The following FAT1 variants were observed in gnomAD, a reference collection of about 807,000 sequenced individuals.
The protein encoded by FAT1 is FAT atypical cadherin 1.
A neutral mutation model predicts 329.8 loss-of-function variants in FAT1; 171 were observed. The observed-to-expected ratio is 0.52, with a 90% CI of 0.46 to 0.59. The LOEUF is 0.59. Ranked by LOEUF, FAT1 falls within the 20% of genes least tolerant of loss-of-function variation. The probability of loss-of-function intolerance (pLI) is 0.00; values close to 1 mark genes in which losing one functional copy is unlikely to be tolerated. For synonymous variants in FAT1, 2,233 were observed against 2,228.6 expected (o/e 1.00, Z -0.06); for missense variants, 5,672 against 5,774.4 (o/e 0.98, Z 0.57).
In FAT1 at chr4:186,620,147, T is replaced by C. The variant is rs752916254; in HGVS notation, c.6439A>G (p.Asn2147Asp). Residue 2147 changes from asparagine to aspartate, a missense_variant, in exon 10 of 27, where the codon AAT (asparagine) becomes GAT (aspartate). Physicochemically the swap from Asn to Asp is conservative, Grantham distance 23. Around this residue, in one of 2 missense-constraint regions of FAT1, gnomAD observed 3,966 missense variants for 3,915.2 expected, o/e 1.01. Transcript: ENST00000441802. The stretch of plus-strand genomic sequence containing the variant: ...ACCACTGTAACAAGATATTCTTTAT[T>C]TAAGGTGTCAAGCTCAAATTGCTTT... The part of the protein sequence containing the change: ...LKKQFELDTL[N>D]KEYLVTVVAK... 1.9e-6 allele frequency: 3 copies of C among 1,614,026 alleles called. No homozygotes were observed. Among genetic ancestry groups the C allele is most frequent in the East Asian group, 2.2e-5 (1 of 44,880 alleles).
At chr4:186,658,424 T>C (rs1180281022) in intron 3 of FAT1, among the ~76,000 whole-genome samples, 1 of 152,180 alleles carries the variant, frequency 6.6e-6, no homozygotes, top group Non-Finnish European at 1.5e-5. Context: ...TTGTTGTGAC[T>C]TTTAAAATAT....
Position 186,603,660 on chromosome 4 carries a change from C to T in FAT1, c.10866G>A (p.Thr3622=), listed in dbSNP as rs756718247. The T allele has an allele frequency of 3.7e-5, 60 of 1,613,900 alleles. No homozygotes were observed. Among genetic ancestry groups the T allele is most frequent in the South Asian group, 1.1e-4 (10 of 91,090 alleles). ...LNVSVTDGKF[T]TVADITVHIR... ...TATGCACTGTGATGTCGGCCACCGT[C>T]GTGAACTTCCCATCTGTTACGCTGA... Residue 3622 remains threonine, a synonymous_variant, in exon 19 of 27, where the codon ACG becomes ACA. Transcript: ENST00000441802.
intron 6 of FAT1, among the ~76,000 whole-genome samples, chr4:186,635,607 T>C (rs1740784953): frequency 6.6e-6 from 1 of 152,220 alleles, no homozygotes; most frequent in Non-Finnish European, 1.5e-5. Flanking sequence ...CACACAGGCA[T>C]AGTTACTTTA....
chr4:186,645,405 A>C lies in FAT1; in HGVS notation c.3581-5622T>G, dbSNP rs56280399. ...TATATATATATATATATATATATAT[A>C]TATATATATATATATATGCCTGTAA... On this transcript the variant is annotated intron_variant, in intron 3 of 26. Coordinates refer to ENST00000441802, the MANE Select transcript of FAT1 (RefSeq NM_005245.4). 6.1e-3 allele frequency among the ~76,000 whole-genome samples: 633 copies of C among 103,002 alleles called. 26 individuals are homozygous for C. The highest frequency in any genetic ancestry group is 0.023 in the African/African-American group (605 of 26,586). 67.6% of individuals were successfully genotyped at this position (103,002 alleles called of 152,430 possible). A position where few individuals can be genotyped will look rare whatever the true frequency, so the allele number is the denominator to read the frequency against.
intron 2 of FAT1, among the ~76,000 whole-genome samples, chr4:186,686,243 C>CT (rs1009711429): frequency 1.1e-4 from 16 of 147,834 alleles, no homozygotes; most frequent in African/African-American, 3.4e-4. Flanking sequence ...TTTTCACCCC[C>CT]CCCCGACATT....
chr4:186,588,450 G>A lies in FAT1; in HGVS notation c.*142C>T, dbSNP rs73873643. 2.5e-3 allele frequency: 2,449 copies of A among 972,418 alleles called. 41 individuals carry two copies. The African/African-American group carries it at 0.035, about 14-fold the overall frequency. The allele number at this position is 972,418 out of a possible 1,614,324, so 60.2% of individuals were successfully genotyped here. ...TTGGGACACTGGAAATGGCTAGCAC[G>A]TCCAGAGGCGCAGGATCCAGCGCAG... On this transcript the variant is annotated 3_prime_UTR_variant, in exon 27 of 27. Transcript: ENST00000441802.
intron 2 of FAT1, among the ~76,000 whole-genome samples, chr4:186,674,908 C>T (rs1310183914): frequency 6.6e-6 from 1 of 152,180 alleles, no homozygotes; most frequent in African/African-American, 2.4e-5. Context: ...GTGGCAGGCA[C>T]CTGTAGTCCC....
rs1442512111 is a variant in FAT1, at chr4:186,619,109, G to A, written c.7477C>T (p.Leu2493Phe). 6.2e-7 allele frequency: 1 copy of A among 1,613,984 alleles called. No homozygotes were observed. Among genetic ancestry groups the A allele is most frequent in the East Asian group, 2.2e-5 (1 of 44,870 alleles). The change falls in exon 10 of 27, where the codon CTT (leucine) becomes TTT (phenylalanine). Residue 2493 changes from leucine (L) to phenylalanine (F), a missense_variant. Around this residue, in one of 2 missense-constraint regions of FAT1, gnomAD observed 3,966 missense variants for 3,915.2 expected, o/e 1.01. Coordinates refer to ENST00000441802, the MANE Select transcript of FAT1 (RefSeq NM_005245.4). ...AGTTCCACTTCATATTCGTTCTGAA[G>A]GAAAGCAGGACTGTGCAAATTGCCT... ...IGGNLHSPAF[L>F]QNEYEVELAE...
chr4:186,688,359 G>A (rs796226285), intron 2 of FAT1, among the ~76,000 whole-genome samples: 51 of 152,250 alleles, frequency 3.3e-4, no homozygotes, highest in African/African-American at 4.3e-4. Context: ...GCCTGTAGAA[G>A]TTAATAGGTC....
upstream of FAT1, among the ~76,000 whole-genome samples, chr4:186,724,346 C>T (rs1369731009): frequency 6.6e-6 from 1 of 152,066 alleles, no homozygotes; most frequent in Non-Finnish European, 1.5e-5. The surrounding 1 kb of genome is among the most constrained non-coding windows in gnomAD (Gnocchi z 5.3). Context: ...CTTCAGGTCT[C>T]CAAAGGAATG....
rs2126409505 is a variant in FAT1, at chr4:186,599,932, C to T, written c.12069G>A (p.Gln4023=). ...ATEDCASNPC[Q]NGGVCNPSPA... ...GTGACGGATTGCAAACGCCTCCATT[C>T]TGGCAAGGGTTGCTGGCGCAGTCTT... Residue 4023 remains glutamine (Q), a synonymous_variant, in exon 22 of 27, where the codon CAG becomes CAA. Coordinates refer to ENST00000441802, the MANE Select transcript of FAT1 (RefSeq NM_005245.4). 1 of 1,613,372 alleles carries T rather than the reference C, an allele frequency of 6.2e-7. No homozygotes were observed. The highest frequency in any genetic ancestry group is 8.5e-7 in the Non-Finnish European group (1 of 1,179,478).
At chr4:186,710,888 C>T (rs886105752) in intron 1 of FAT1, among the ~76,000 whole-genome samples, 3 of 152,192 alleles carry the variant, frequency 2.0e-5, no homozygotes, top group African/African-American at 4.8e-5. Flanking sequence ...ATGAAGAAAA[C>T]GTTGCCTTTA....
In FAT1 at chr4:186,619,869, T is replaced by C. The variant is rs1560941442; in HGVS notation, c.6717A>G (p.Ile2239Met). Residue 2239 changes from isoleucine to methionine, a missense_variant, in exon 10 of 27, where the codon ATA (isoleucine) becomes ATG (methionine). Around this residue, in one of 2 missense-constraint regions of FAT1, gnomAD observed 3,966 missense variants for 3,915.2 expected, o/e 1.01. Transcript: ENST00000441802. ...INFNTGVINV[I>M]APLDFEAHPA... ...GGTGGGCCTCAAAGTCCAGAGGAGCTATGACATTGATAACTCCAGTATTGA... is the reference window on the plus strand; with the variant it reads ...GGTGGGCCTCAAAGTCCAGAGGAGCCATGACATTGATAACTCCAGTATTGA... The C allele has an allele frequency of 6.2e-7, 1 of 1,613,984 alleles. No homozygotes were observed. The highest frequency in any genetic ancestry group is 8.5e-7 in the Non-Finnish European group (1 of 1,179,904).
intron 7 of FAT1, among the ~76,000 whole-genome samples, chr4:186,630,956 A>G (rs1424004610): frequency 1.3e-5 from 2 of 152,192 alleles, no homozygotes; most frequent in East Asian, 1.9e-4. Context: ...AGTGACTGGA[A>G]TCAATGGCGG....
intron 2 of FAT1, among the ~76,000 whole-genome samples, chr4:186,682,402 C>T (rs1579441571): frequency 6.6e-6 from 1 of 152,012 alleles, no homozygotes; most frequent in South Asian, 2.1e-4. Flanking sequence ...TGGCATGTGC[C>T]TGTAATCCCA....
intron 2 of FAT1, among the ~76,000 whole-genome samples, chr4:186,671,616 T>C (rs1306636676): frequency 1.3e-5 from 2 of 152,010 alleles, no homozygotes; most frequent in Non-Finnish European, 2.9e-5. Context: ...GGAGAATCAC[T>C]TGAACCCAGG....
intron 3 of FAT1, 81 bp from the exon 4 acceptor site, chr4:186,639,864 C>A: frequency 8.3e-7 from 1 of 1,202,884 alleles, no homozygotes. Context: ...CACTCTTGGC[C>A]AGGTGCGGTA....
intron 2 of FAT1, among the ~76,000 whole-genome samples, chr4:186,668,995 CA>C (rs959933783): frequency 1.3e-5 from 2 of 152,122 alleles, no homozygotes; most frequent in Admixed American, 1.3e-4. Context: ...ACCCTGGAGA[CA>C]AAAGGAACCA....
At position 186,636,590 on chromosome 4, in the gene FAT1, G is replaced by A. The variant is rs2126562521; in HGVS notation, c.3967C>T (p.Leu1323Phe). The change falls in exon 5 of 27, where the codon CTT becomes TTT. Residue 1323 changes from leucine to phenylalanine, a missense_variant. Leu to Phe is a conservative substitution (Grantham distance 22). Around this residue, in one of 2 missense-constraint regions of FAT1, gnomAD observed 3,966 missense variants for 3,915.2 expected, o/e 1.01. Transcript: ENST00000441802. Reference sequence around the variant, plus strand: ...GTACTACAATCTTAACTCACTGAAAGAATATCATATTCTCCAGCTGCTGAA... The same window carrying A: ...GTACTACAATCTTAACTCACTGAAAAAATATCATATTCTCCAGCTGCTGAA... The part of the protein sequence containing the change: ...RFSAAGEYDI[L>F]SIKAVDNGRP... 1.2e-6 allele frequency: 2 copies of A among 1,605,292 alleles called. No individual in the cohort carries two copies. The highest frequency in any genetic ancestry group is 2.2e-5 in the South Asian group (2 of 89,932).
Sources: allele counts gnomAD v4.1 joint callset (sites outside exome capture counted in the v4.1 genomes callset), GRCh38; gene constraint gnomAD v4.1.1; regional missense constraint gnomAD v4.1.1; non-coding constraint Gnocchi (gnomAD v3.1); transcripts MANE v1.5; gene names NCBI Gene and HGNC (gene_info 2026-07-23, HGNC 2026-07-21).